The following VSTM4 variants were observed in gnomAD, a reference collection of about 807,000 sequenced individuals.
VSTM4 encodes the protein V-set and transmembrane domain-containing protein 4.
VSTM4 carries 20 observed loss-of-function variants against 36.4 expected under a neutral mutation model. The ratio of observed to expected loss-of-function variants is 0.55; its 90% confidence interval spans 0.39 to 0.80. The LOEUF is 0.80. Among genes scored for constraint, VSTM4 ranks in the 30% least tolerant of loss-of-function variants. The pLI is 0.00. For missense variants in VSTM4, 392 were observed against 404.5 expected (o/e 0.97, Z 0.26); for synonymous variants, 182 against 173.9 (o/e 1.05, Z -0.37).
At chr10:49,110,538 G>T (rs990661833) in intron 1 of VSTM4, among the ~76,000 whole-genome samples, 1 of 152,134 alleles carries the variant, frequency 6.6e-6, no homozygotes, top group Non-Finnish European at 1.5e-5. Context: ...GGGTTGAATT[G>T]TGTCCTCCCA....
chr10:49,088,063 G>A (rs906034287), intron 2 of VSTM4, among the ~76,000 whole-genome samples: 8 of 150,460 alleles, frequency 5.3e-5, no homozygotes, highest in African/African-American at 2.0e-4. Context: ...TTTATGAAAT[G>A]TAGATATGTG....
At chr10:49,023,004 C>T (rs963882735) in intron 7 of VSTM4, among the ~76,000 whole-genome samples, 2 of 152,056 alleles carry the variant, frequency 1.3e-5, no homozygotes, top group Non-Finnish European at 2.9e-5. Context: ...AGCCAAAGCA[C>T]ACTAAATAAA....
intron 2 of VSTM4, among the ~76,000 whole-genome samples, chr10:49,104,494 C>G (rs1844728471): frequency 1.3e-5 from 2 of 152,232 alleles, no homozygotes; most frequent in Non-Finnish European, 2.9e-5. Flanking sequence ...AAGCTCCAAC[C>G]CAAACAGCCT....
chr10:49,114,496 T>C (rs1385400280), intron 1 of VSTM4, among the ~76,000 whole-genome samples: 1 of 152,162 alleles, frequency 6.6e-6, no homozygotes, highest in Non-Finnish European at 1.5e-5. Flanking sequence ...AGTCCGTTCA[T>C]GGGCCTGAGC....
At chr10:49,098,353 T>C (rs7091371) in intron 2 of VSTM4, among the ~76,000 whole-genome samples, 209 of 152,324 alleles carry the variant, frequency 1.4e-3, no homozygotes, top group African/African-American at 4.5e-3. Flanking sequence ...GCTACACATA[T>C]TTACAGAGTT....
At chr10:49,063,260 A>G (rs1843914146) in intron 5 of VSTM4, among the ~76,000 whole-genome samples, 1 of 152,112 alleles carries the variant, frequency 6.6e-6, no homozygotes, top group Admixed American at 6.6e-5. Context: ...GAATCATTTG[A>G]ATCTAGGAGG....
chr10:49,064,497 T>C, intron 5 of VSTM4: 2 of 589,622 alleles, frequency 3.4e-6, no homozygotes, highest in South Asian at 2.1e-5. Context: ...AAAAGCTGCA[T>C]GCTCTCTGGA....
chr10:49,088,227 C>T (rs974859442), intron 2 of VSTM4, among the ~76,000 whole-genome samples: 1 of 152,100 alleles, frequency 6.6e-6, no homozygotes, highest in Non-Finnish European at 1.5e-5. Flanking sequence ...ATATCTTCTA[C>T]CTCTGTATTC....
intron 4 of VSTM4, among the ~76,000 whole-genome samples, chr10:49,071,319 G>A (rs1844075533): frequency 6.6e-6 from 1 of 152,222 alleles, no homozygotes; most frequent in Admixed American, 6.5e-5. Context: ...ACAAGCAAAA[G>A]CCTTTGGAAA....
At chr10:49,039,716 A>C (rs1293001230) in intron 7 of VSTM4, among the ~76,000 whole-genome samples, 1 of 152,126 alleles carries the variant, frequency 6.6e-6, no homozygotes, top group Non-Finnish European at 1.5e-5. Context: ...TTCAACTCCA[A>C]GGTTGACACT....
chr10:49,084,684 T>C (rs1327757012), intron 3 of VSTM4, among the ~76,000 whole-genome samples: 2 of 152,230 alleles, frequency 1.3e-5, no homozygotes, highest in African/African-American at 2.4e-5. Flanking sequence ...TCACCAGACA[T>C]AATCTTTACA....
chr10:49,052,974 GT>G (rs1554831328), intron 5 of VSTM4, among the ~76,000 whole-genome samples: 4 of 152,152 alleles, frequency 2.6e-5, no homozygotes, highest in Non-Finnish European at 5.9e-5. Context: ...TCAGAATCTT[GT>G]TTCTCCCCTT....
chr10:49,102,890 C>G, intron 2 of VSTM4: 2 of 346,256 alleles, frequency 5.8e-6, no homozygotes, highest in Non-Finnish European at 8.1e-6. Flanking sequence ...CCCAGAGAAA[C>G]AGAACGAACA....
chr10:49,083,471 A>G (rs1844315232), intron 3 of VSTM4, among the ~76,000 whole-genome samples: 1 of 152,222 alleles, frequency 6.6e-6, no homozygotes, highest in South Asian at 2.1e-4. Flanking sequence ...TAACCTCGCC[A>G]AAGCTACGGC....
chr10:49,015,153 A>G lies in VSTM4; in HGVS notation c.*4497T>C, dbSNP rs1192045626. 7.8e-6 allele frequency: 1 copy of G among 128,276 alleles called. No homozygotes were observed. Among genetic ancestry groups the G allele is most frequent in the Non-Finnish European group, 1.6e-5 (1 of 63,102 alleles). The allele number at this position is 128,276 out of a possible 1,614,324, so 7.9% of individuals were successfully genotyped here. On this transcript the variant is annotated 3_prime_UTR_variant, in exon 8 of 8. Coordinates refer to ENST00000332853, the MANE Select transcript of VSTM4 (RefSeq NM_001031746.5). Reference sequence around the variant, plus strand: ...TTTTTTTTTTTTGAGACGGAATCTCACTCTATTGCCCAGGCTGGAGTGCAG... The same window carrying G: ...TTTTTTTTTTTTGAGACGGAATCTCGCTCTATTGCCCAGGCTGGAGTGCAG...
At chr10:49,034,336 T>C (rs1396683543) in intron 7 of VSTM4, among the ~76,000 whole-genome samples, 1 of 152,226 alleles carries the variant, frequency 6.6e-6, no homozygotes, top group African/African-American at 2.4e-5. Flanking sequence ...AAACCAAGCA[T>C]TAAAACCAAA....
intron 2 of VSTM4, chr10:49,103,466 C>G: frequency 9.8e-7 from 1 of 1,019,114 alleles, no homozygotes; most frequent in Non-Finnish European, 1.2e-6. Context: ...TTCTTTAAAC[C>G]CTTTCAGTAT....
At chr10:49,067,483 G>T (rs1843993897) in intron 4 of VSTM4, among the ~76,000 whole-genome samples, 1 of 152,178 alleles carries the variant, frequency 6.6e-6, no homozygotes, top group Non-Finnish European at 1.5e-5. Flanking sequence ...CTTTAAAGAG[G>T]TAATTAAGTT....
At chr10:49,094,654 C>A (rs1347331292) in intron 2 of VSTM4, among the ~76,000 whole-genome samples, 2 of 152,190 alleles carry the variant, frequency 1.3e-5, no homozygotes, top group Non-Finnish European at 2.9e-5. Context: ...GTCCCAAATT[C>A]AAATTCAATG....
Sources: allele counts gnomAD v4.1 joint callset (sites outside exome capture counted in the v4.1 genomes callset), GRCh38; gene constraint gnomAD v4.1.1; transcripts MANE v1.5; gene names NCBI Gene and HGNC (gene_info 2026-07-23, HGNC 2026-07-21).